Variants in KLF8 observed in about 807,000 individuals in gnomAD.
The protein encoded by KLF8 is Krueppel-like factor 8.
In KLF8, 10 loss-of-function variants were observed where a neutral mutation model predicts 18.2. That is an observed-to-expected ratio of 0.55 (90% CI 0.34 to 0.93). The LOEUF is 0.93. Ranked by LOEUF, KLF8 falls within the 40% of genes least tolerant of loss-of-function variation. The probability of loss-of-function intolerance (pLI) is 0.02; values close to 1 mark genes in which losing one functional copy is unlikely to be tolerated. For synonymous variants in KLF8, 109 were observed against 97.3 expected (o/e 1.12, Z -0.71); for missense variants, 264 against 277.9 (o/e 0.95, Z 0.36).
At chrX:56,254,680 C>T (rs2066765471) in intron 2 of KLF8, among the ~76,000 whole-genome samples, 1 of 110,767 alleles carries the variant, frequency 9.0e-6, no homozygotes, top group Non-Finnish European at 1.9e-5. Context: ...AGGTAATCTT[C>T]CCCTGGATTC....
At chrX:55,950,543 G>A in the KLF8 span, among the ~76,000 whole-genome samples, 1 of 111,197 alleles carries the variant, frequency 9.0e-6, no homozygotes, top group Non-Finnish European at 1.9e-5. Context: ...TAAATCATTG[G>A]GGGCTGTTAT....
At chrX:55,978,196 A>G in the KLF8 span, among the ~76,000 whole-genome samples, 2 of 110,628 alleles carry the variant, frequency 1.8e-5, no homozygotes, top group Non-Finnish European at 3.8e-5. Context: ...TATAAGTAGT[A>G]TTTCCGTTTT....
chrX:56,193,405 G>A, the KLF8 span, among the ~76,000 whole-genome samples: 1 of 111,741 alleles, frequency 8.9e-6, no homozygotes, highest in African/African-American at 3.2e-5. Context: ...ATGGAGAACA[G>A]TTTGGAGGTT....
At chrX:56,176,276 G>A in the KLF8 span, among the ~76,000 whole-genome samples, 14 of 111,639 alleles carry the variant, frequency 1.3e-4, no homozygotes, top group Non-Finnish European at 1.9e-4. Context: ...CTTCCTTCAG[G>A]AGTTCTTTTA....
At chrX:56,261,024 A>T (rs995562186) in intron 2 of KLF8, among the ~76,000 whole-genome samples, 1 of 112,151 alleles carries the variant, frequency 8.9e-6, no homozygotes, top group East Asian at 2.8e-4. Flanking sequence ...GATTCCACTG[A>T]TTCTCAGGGC....
chrX:56,202,443 CTT>C, the KLF8 span, among the ~76,000 whole-genome samples: 2 of 110,942 alleles, frequency 1.8e-5, no homozygotes, highest in Non-Finnish European at 3.8e-5. Flanking sequence ...CAATTACACT[CTT>C]TTAGTTATTT....
At chrX:56,080,785 C>T in the KLF8 span, among the ~76,000 whole-genome samples, 1 of 111,657 alleles carries the variant, frequency 9.0e-6, no homozygotes, top group African/African-American at 3.3e-5. Flanking sequence ...TTCAGGTATG[C>T]CAGTCAGACG....
intron 2 of KLF8, among the ~76,000 whole-genome samples, 184 bp downstream of exon 2, chrX:56,250,488 G>T: frequency 9.0e-6 from 1 of 111,568 alleles, no homozygotes; most frequent in Non-Finnish European, 1.9e-5. Context: ...CTGGGGAGTA[G>T]ATCTGGCCTA....
At chrX:56,172,443 T>G in the KLF8 span, among the ~76,000 whole-genome samples, 1 of 111,759 alleles carries the variant, frequency 8.9e-6, no homozygotes, top group African/African-American at 3.3e-5. Flanking sequence ...AACTCACATT[T>G]TTTATGGCTG....
chrX:55,964,450 G>A, the KLF8 span, among the ~76,000 whole-genome samples: 1 of 111,145 alleles, frequency 9.0e-6, no homozygotes, highest in Non-Finnish European at 1.9e-5. Context: ...GATGGTGAGT[G>A]CCTGTAGTTT....
the KLF8 span, among the ~76,000 whole-genome samples, chrX:56,015,864 C>T: frequency 1.8e-5 from 2 of 111,679 alleles, no homozygotes; most frequent in African/African-American, 3.3e-5. Flanking sequence ...AAATGGAAGC[C>T]GCAGAAATAT....
chrX:56,104,890 G>A, the KLF8 span, among the ~76,000 whole-genome samples: 1 of 111,694 alleles, frequency 9.0e-6, no homozygotes, highest in African/African-American at 3.3e-5. Flanking sequence ...CTTTAAATGT[G>A]TCCCAGAGAT....
At chrX:55,987,843 C>G in the KLF8 span, among the ~76,000 whole-genome samples, 1 of 111,682 alleles carries the variant, frequency 9.0e-6, no homozygotes, top group African/African-American at 3.3e-5. Flanking sequence ...CCTATTTCTC[C>G]GCATCCTCTC....
At chrX:56,272,510 C>G (rs1365525585) in intron 5 of KLF8, among the ~76,000 whole-genome samples, 1 of 111,668 alleles carries the variant, frequency 9.0e-6, no homozygotes, top group Non-Finnish European at 1.9e-5. Flanking sequence ...TGCCCCTAAC[C>G]TCACTTTGTT....
the KLF8 span, among the ~76,000 whole-genome samples, chrX:56,186,084 T>C: frequency 5.2e-4 from 58 of 111,649 alleles, no homozygotes; most frequent in Non-Finnish European, 1.1e-3. Context: ...GACTGGCAAA[T>C]TGGAAAAAGA....
At chrX:56,090,128 G>T in the KLF8 span, among the ~76,000 whole-genome samples, 3 of 111,842 alleles carry the variant, frequency 2.7e-5, no homozygotes, top group African/African-American at 9.7e-5. Flanking sequence ...CAGGCTCATC[G>T]AAAGATTAAC....
chrX:56,033,042 T>C, the KLF8 span, among the ~76,000 whole-genome samples: 1 of 111,691 alleles, frequency 9.0e-6, no homozygotes, highest in African/African-American at 3.2e-5. Flanking sequence ...ATTCTATATA[T>C]TTATGAGGAA....
chrX:55,997,608 AC>A, the KLF8 span, among the ~76,000 whole-genome samples: 4 of 110,279 alleles, frequency 3.6e-5, no homozygotes, highest in Admixed American at 2.9e-4. Context: ...CACTCTCAAT[AC>A]CTTTCTTCTG....
the KLF8 span, among the ~76,000 whole-genome samples, chrX:56,031,264 C>T: frequency 8.9e-6 from 1 of 111,823 alleles, no homozygotes; most frequent in Non-Finnish European, 1.9e-5. Context: ...ACACACACAC[C>T]TTTATCGTTT....
Sources: allele counts gnomAD v4.1 joint callset (sites outside exome capture counted in the v4.1 genomes callset), GRCh38; gene constraint gnomAD v4.1.1; transcripts MANE v1.5; gene names NCBI Gene and HGNC (gene_info 2026-07-23, HGNC 2026-07-21).